Variants in CDS1 observed in about 807,000 individuals in gnomAD.
CDS1 encodes the protein CDP-diacylglycerol synthase 1.
CDS1 carries 41 observed loss-of-function variants against 62.1 expected under a neutral mutation model. The ratio of observed to expected loss-of-function variants is 0.66; its 90% confidence interval spans 0.51 to 0.86. The LOEUF is 0.86. Ranked by LOEUF, CDS1 falls within the 40% of genes least tolerant of loss-of-function variation. CDS1 has a pLI of 0.00. For synonymous variants in CDS1, 185 were observed against 192.6 expected (o/e 0.96, Z 0.32); for missense variants, 470 against 550.1 (o/e 0.85, Z 1.46).
intron 5 of CDS1, 84 bp downstream of exon 5, chr4:84,619,617 T>C: frequency 1.2e-6 from 1 of 853,698 alleles, no homozygotes; most frequent in Non-Finnish European, 1.7e-6. Flanking sequence ...AATTAGTAAT[T>C]TTTTGGTTAA....
At chr4:84,636,142 C>T (rs1483238221) in intron 8 of CDS1, among the ~76,000 whole-genome samples, 1 of 152,104 alleles carries the variant, frequency 6.6e-6, no homozygotes, top group Admixed American at 6.5e-5. Flanking sequence ...TTCCTTGACT[C>T]TCCTCTCCCT....
intron 2 of CDS1, among the ~76,000 whole-genome samples, chr4:84,606,438 T>C (rs757488234): frequency 5.3e-5 from 8 of 152,148 alleles, no homozygotes; most frequent in South Asian, 2.1e-4. Context: ...CAACATTTCA[T>C]GCAGGATCCT....
chr4:84,647,345 G>C (rs2148662574), intron 12 of CDS1, among the ~76,000 whole-genome samples: 1 of 152,020 alleles, frequency 6.6e-6, no homozygotes, highest in African/African-American at 2.4e-5. Context: ...CAGCTTTTTA[G>C]GGCATTAACT....
chr4:84,634,545 C>T (rs2148656465), intron 7 of CDS1, among the ~76,000 whole-genome samples: 1 of 152,198 alleles, frequency 6.6e-6, no homozygotes, highest in South Asian at 2.1e-4. Flanking sequence ...TTTTCCCCCA[C>T]TCATTTAAAA....
rs1394630141 is a variant in CDS1 at position 84,649,834 on chromosome 4, G to C, written c.*1148G>C. On this transcript the variant is annotated 3_prime_UTR_variant, in exon 13 of 13. Coordinates refer to ENST00000295887, the MANE Select transcript of CDS1 (RefSeq NM_001263.4). Reference sequence around the variant, plus strand: ...TTTTTCTTCCAAGAATGAAAATCAAGCAGAATTGATTCCTACACGAAAAAA... The same window carrying C: ...TTTTTCTTCCAAGAATGAAAATCAACCAGAATTGATTCCTACACGAAAAAA... The C allele has an allele frequency of 6.6e-6, 1 of 152,112 alleles. No individual in the cohort carries two copies. Among genetic ancestry groups the C allele is most frequent in the African/African-American group, 2.4e-5 (1 of 41,436 alleles). 9.4% of individuals were successfully genotyped at this position (152,112 alleles called of 1,614,324 possible). A position where few individuals can be genotyped will look rare whatever the true frequency, so the allele number is the denominator to read the frequency against.
At chr4:84,613,092 A>G (rs914384238) in intron 3 of CDS1, among the ~76,000 whole-genome samples, 1 of 151,708 alleles carries the variant, frequency 6.6e-6, no homozygotes, top group Non-Finnish European at 1.5e-5. Flanking sequence ...ATAGATATAT[A>G]TATATATATT....
chr4:84,601,301 C>T (rs1722929460), intron 1 of CDS1, among the ~76,000 whole-genome samples: 1 of 151,968 alleles, frequency 6.6e-6, no homozygotes, highest in Non-Finnish European at 1.5e-5. Flanking sequence ...AGTTTCTGAC[C>T]TGAGTAATTG....
chr4:84,598,997 G>A (rs1341718907), intron 1 of CDS1, among the ~76,000 whole-genome samples: 1 of 152,072 alleles, frequency 6.6e-6, no homozygotes, highest in African/African-American at 2.4e-5. Flanking sequence ...AACTATAAAT[G>A]ATACTCACTA....
At position 84,649,524 on chromosome 4, in the gene CDS1, CT is replaced by C; in HGVS notation, c.*842del. The C allele has an allele frequency of 6.5e-6, 1 of 152,858 alleles. No homozygotes were observed. Among genetic ancestry groups the C allele is most frequent in the East Asian group, 1.9e-4 (1 of 5,190 alleles). The allele number at this position is 152,858 out of a possible 1,614,324, so 9.5% of individuals were successfully genotyped here. On this transcript the variant is annotated 3_prime_UTR_variant, in exon 13 of 13. Transcript: ENST00000295887. ...GGCCATCTCTTCGTCATGTGCTTCA[CT>C]TTTCCCTGTTTCCCTGTGAACTGGC...
chr4:84,587,268 A>G (rs1247669094), intron 1 of CDS1, among the ~76,000 whole-genome samples: 1 of 152,158 alleles, frequency 6.6e-6, no homozygotes, highest in African/African-American at 2.4e-5. Flanking sequence ...TTTAAACAAT[A>G]AATTTGTATT....
chr4:84,583,510 A>G lies in CDS1; in HGVS notation c.109A>G (p.Ser37Gly). Residue 37 changes from serine to glycine, a missense_variant, in exon 1 of 13, where the codon AGC becomes GGC. Physicochemically the swap from Ser to Gly is moderately conservative, Grantham distance 56. This residue lies in a region of CDS1 where 150 missense variants were observed against 142.0 expected (regional missense o/e 1.06). Transcript: ENST00000295887. ...CGGCGACCACGAAACCGAGAGCACC[A>G]GCGACAAAGTAAGTGGAGCCGAGAG... Reference protein sequence around the residue: ...AGGDHETESTSDKETDIDDRY... With the variant: ...AGGDHETESTGDKETDIDDRY... 1.3e-6 allele frequency: 2 copies of G among 1,525,314 alleles called. No homozygotes were observed. The highest frequency in any genetic ancestry group is 1.8e-6 in the Non-Finnish European group (2 of 1,136,240). 94.5% of individuals were successfully genotyped at this position (1,525,314 alleles called of 1,614,324 possible).
intron 3 of CDS1, among the ~76,000 whole-genome samples, 184 bp downstream of exon 3, chr4:84,609,709 T>C (rs1723256707): frequency 6.6e-6 from 1 of 152,214 alleles, no homozygotes; most frequent in African/African-American, 2.4e-5. Flanking sequence ...GTTTGCAAAA[T>C]GACTATTCAG....
intron 1 of CDS1, among the ~76,000 whole-genome samples, chr4:84,591,971 A>C (rs985240840): frequency 2.0e-5 from 3 of 152,174 alleles, no homozygotes; most frequent in Admixed American, 6.5e-5. Flanking sequence ...GATTTAAAAC[A>C]GCACTTCAAG....
At chr4:84,611,074 A>AGT (rs1264417901) in intron 3 of CDS1, among the ~76,000 whole-genome samples, 2 of 152,250 alleles carry the variant, frequency 1.3e-5, no homozygotes, top group African/African-American at 4.8e-5. Flanking sequence ...CTGAAGGTTG[A>AGT]GTGGGAATCA....
At chr4:84,584,301 G>A (rs561881348) in intron 1 of CDS1, among the ~76,000 whole-genome samples, 1 of 152,348 alleles carries the variant, frequency 6.6e-6, no homozygotes, top group Non-Finnish European at 1.5e-5. Context: ...AAGAACTTGT[G>A]AAGAAATGCA....
At chr4:84,600,569 C>G (rs1263885571) in intron 1 of CDS1, among the ~76,000 whole-genome samples, 1 of 152,124 alleles carries the variant, frequency 6.6e-6, no homozygotes, top group Non-Finnish European at 1.5e-5. Flanking sequence ...ATAGAATTAC[C>G]TTTGCAACTT....
intron 3 of CDS1, among the ~76,000 whole-genome samples, chr4:84,617,092 A>G (rs1723520515): frequency 2.6e-5 from 4 of 152,246 alleles, no homozygotes; most frequent in South Asian, 4.1e-4. Flanking sequence ...TTGTCCTGAC[A>G]GTATCTTTAT....
intron 12 of CDS1, among the ~76,000 whole-genome samples, chr4:84,646,336 C>G (rs1724556941): frequency 6.6e-6 from 1 of 152,118 alleles, no homozygotes; most frequent in South Asian, 2.1e-4. Flanking sequence ...GATTTCTCCT[C>G]TCATCTTTCA....
At chr4:84,617,791 A>T (rs1723545390) in intron 4 of CDS1, 130 bp downstream of exon 4, 1 of 456,570 alleles carries the variant, frequency 2.2e-6, no homozygotes, top group Non-Finnish European at 3.8e-6. Context: ...AAATAAAAAT[A>T]ATGTAATTGA....
Sources: allele counts gnomAD v4.1 joint callset (sites outside exome capture counted in the v4.1 genomes callset), GRCh38; gene constraint gnomAD v4.1.1; regional missense constraint gnomAD v4.1.1; transcripts MANE v1.5; gene names NCBI Gene and HGNC (gene_info 2026-07-23, HGNC 2026-07-21).